The following FRY variants were observed in gnomAD, a reference collection of about 807,000 sequenced individuals.
The protein encoded by FRY is protein furry homolog.
A neutral mutation model predicts 348.4 loss-of-function variants in FRY; 128 were observed. That is an observed-to-expected ratio of 0.37 (90% confidence interval 0.32 to 0.43). The LOEUF is 0.43. Ranked by LOEUF, FRY falls within the 20% of genes least tolerant of loss-of-function variation. The pLI is 1.00. For synonymous variants in FRY, 1,370 were observed against 1,374.7 expected (o/e 1.00, Z 0.08); for missense variants, 2,736 against 3,695.2 (o/e 0.74, Z 6.73).
At chr13:32,196,418 G>A (rs1261625063) in intron 29 of FRY, among the ~76,000 whole-genome samples, 1 of 152,122 alleles carries the variant, frequency 6.6e-6, no homozygotes, top group African/African-American at 2.4e-5. Context: ...AAATGTTCTT[G>A]TTGATTTAAA....
chr13:32,207,050 C>T (rs950875538), intron 31 of FRY, among the ~76,000 whole-genome samples: 1 of 152,122 alleles, frequency 6.6e-6, no homozygotes, highest in Non-Finnish European at 1.5e-5. Context: ...CAGGAGCTAC[C>T]TGGGTGCTTG....
chr13:32,257,975 A>G (rs747275798), intron 51 of FRY: 6 of 1,606,556 alleles, frequency 3.7e-6, no homozygotes, highest in Non-Finnish European at 5.1e-6. Flanking sequence ...AACTTCAGGT[A>G]AGATGATGCT....
chr13:32,077,621 A>G (rs1401619340), intron 1 of FRY, among the ~76,000 whole-genome samples: 1 of 152,224 alleles, frequency 6.6e-6, no homozygotes, highest in Non-Finnish European at 1.5e-5. Flanking sequence ...GTAATTTAAT[A>G]AAATAAACAA....
At chr13:32,222,501 C>G (rs1021890945) in intron 36 of FRY, among the ~76,000 whole-genome samples, 1 of 152,114 alleles carries the variant, frequency 6.6e-6, no homozygotes, top group South Asian at 2.1e-4. Context: ...GGTGAGCTAC[C>G]GCGACCAGCC....
At chr13:32,117,262 T>C (rs1878356144) in intron 3 of FRY, 72 bp from the exon 4 acceptor site, 2 of 1,403,030 alleles carry the variant, frequency 1.4e-6, no homozygotes, top group Non-Finnish European at 2.0e-6. Context: ...TTGGGGTTAC[T>C]TGTGAAATAA....
intron 24 of FRY, among the ~76,000 whole-genome samples, chr13:32,184,068 A>T (rs987680166): frequency 3.8e-4 from 57 of 151,850 alleles, no homozygotes; most frequent in Non-Finnish European, 5.0e-4. Flanking sequence ...AGTCCCAGCT[A>T]CTCGAGAGGC....
rs2072100399 is a variant in FRY, at chr13:32,298,637, AC to A, written c.*3178del. ...AAAACGGATACAGTGAGTAATGTGG[AC>A]AGGGCTATCTTAGCTATCACTCTAA... On this transcript the variant is annotated 3_prime_UTR_variant, in exon 61 of 61. Coordinates refer to ENST00000542859, the MANE Select transcript of FRY (RefSeq NM_023037.3). 1 of 152,260 alleles carries A rather than the reference AC, an allele frequency of 6.6e-6. No individual in the cohort carries two copies. Among genetic ancestry groups the A allele is most frequent in the African/African-American group, 2.4e-5 (1 of 41,458 alleles). 9.4% of individuals were successfully genotyped at this position (152,260 alleles called of 1,614,324 possible). A position where few individuals can be genotyped will look rare whatever the true frequency, so the allele number is the denominator to read the frequency against.
chr13:32,205,202 C>CAAAA lies in FRY; in HGVS notation c.4018+2693_4018+2696dup, dbSNP rs35930899. 1.7e-3 allele frequency among the ~76,000 whole-genome samples: 130 copies of CAAAA among 77,112 alleles called. 3 individuals are homozygous for CAAAA. The highest frequency in any genetic ancestry group is 0.011 in the East Asian group (26 of 2,444). 50.6% of individuals were successfully genotyped at this position (77,112 alleles called of 152,430 possible). On this transcript the variant is annotated intron_variant, in intron 31 of 60. Transcript: ENST00000542859. ...TGAGCGACAGAGCGAGACTCTGTCT[C>CAAAA]AAAAAAAAAAAAAAAAAAAAAGGTG... is the stretch of plus-strand genomic sequence containing the variant.
chr13:32,206,540 C>A (rs566003795), intron 31 of FRY, among the ~76,000 whole-genome samples: 1 of 152,186 alleles, frequency 6.6e-6, no homozygotes, highest in African/African-American at 2.4e-5. Context: ...GGTGCAGAGT[C>A]AGAGGAGGAG....
chr13:32,134,768 A>AT, intron 8 of FRY, 136 bp from the exon 9 acceptor site: 1 of 740,466 alleles, frequency 1.4e-6, no homozygotes, highest in Admixed American at 1.9e-5. Context: ...GAATCCAGTG[A>AT]TTTTTAATAG....
chr13:32,035,586 G>A (rs192096787), intron 1 of FRY, among the ~76,000 whole-genome samples: 1 of 152,256 alleles, frequency 6.6e-6, no homozygotes. Flanking sequence ...AGCTCTAAAG[G>A]GCGTCCTTGT....
Position 32,187,668 on chromosome 13 carries a change from C to CA in FRY, c.3591+17dup. On this transcript the variant is annotated intron_variant, in intron 28 of 60. Coordinates refer to ENST00000542859, the MANE Select transcript of FRY (RefSeq NM_023037.3). ...GTCAAGATTTACGAGTAAGTATAGG[C>CA]AAAAATACATTGTTTTTGAATGTCT... 7.3e-7 allele frequency: 1 copy of CA among 1,375,904 alleles called. No homozygotes were observed. Among genetic ancestry groups the CA allele is most frequent in the Non-Finnish European group, 1.0e-6 (1 of 962,728 alleles). The allele number at this position is 1,375,904 out of a possible 1,614,324, so 85.2% of individuals were successfully genotyped here. A position where few individuals can be genotyped will look rare whatever the true frequency, so the allele number is the denominator to read the frequency against.
At chr13:32,098,764 T>C (rs1876948555) in intron 2 of FRY, among the ~76,000 whole-genome samples, 1 of 152,080 alleles carries the variant, frequency 6.6e-6, no homozygotes, top group Non-Finnish European at 1.5e-5. Context: ...TGACGCATTG[T>C]GAACCCTCAG....
chr13:32,186,699 A>C (rs541340710), intron 27 of FRY, among the ~76,000 whole-genome samples: 2 of 152,180 alleles, frequency 1.3e-5, no homozygotes, highest in Admixed American at 6.5e-5. Context: ...AAAAAGAAAA[A>C]AATAGACATC....
Position 32,102,102 on chromosome 13 carries a change from G to A in FRY, c.324+86G>A, listed in dbSNP as rs183889156. On this transcript the variant is annotated intron_variant, in intron 3 of 60. Transcript: ENST00000542859. ...GTCTGCATGCTCACTATTGTTGTAT[G>A]GATGAACATCCTCAAAAAGTATATG... The A allele has an allele frequency of 8.2e-5, 66 of 807,806 alleles. No homozygotes were observed. In the African/African-American group the frequency reaches 1.0e-3, roughly 12 times the overall value. 50.0% of individuals were successfully genotyped at this position (807,806 alleles called of 1,614,324 possible).
intron 2 of FRY, among the ~76,000 whole-genome samples, chr13:32,099,052 T>C (rs1876973050): frequency 6.6e-6 from 1 of 151,904 alleles, no homozygotes; most frequent in African/African-American, 2.4e-5. Flanking sequence ...GGTAAGATCA[T>C]CTTTGTGAGT....
Position 32,184,994 on chromosome 13 carries a change from G to C in FRY, c.3165G>C (p.Glu1055Asp). 1 of 1,613,964 alleles carries C rather than the reference G, an allele frequency of 6.2e-7. No individual in the cohort carries two copies. Among genetic ancestry groups the C allele is most frequent in the Admixed American group, 1.7e-5 (1 of 60,014 alleles). Residue 1055 changes from glutamate (E) to aspartate (D), a missense_variant, in exon 26 of 61, where the codon GAG (glutamate) becomes GAC (aspartate). Glu to Asp is a conservative substitution (Grantham distance 45, BLOSUM62 2). Coordinates refer to ENST00000542859, the MANE Select transcript of FRY (RefSeq NM_023037.3). Reference sequence around the variant, plus strand: ...ATTCCAGCACAAATGGAGCCCTAGAGCGGGATACTTTAGCCCTGGGAGCTT... The same window carrying C: ...ATTCCAGCACAAATGGAGCCCTAGACCGGGATACTTTAGCCCTGGGAGCTT... The part of the protein sequence containing the change: ...VISDSTNGAL[E>D]RDTLALGALF...
At chr13:32,147,153 A>G (rs1218259394) in intron 11 of FRY, 129 bp from the exon 12 acceptor site, 4 of 666,858 alleles carry the variant, frequency 6.0e-6, no homozygotes, top group South Asian at 3.2e-5. Context: ...AGGTGATGCA[A>G]TGTGTCTCAT....
At chr13:32,182,693 G>A (rs1194222661) in intron 23 of FRY, among the ~76,000 whole-genome samples, 1 of 151,886 alleles carries the variant, frequency 6.6e-6, no homozygotes, top group Non-Finnish European at 1.5e-5. Flanking sequence ...TTTGTTTTTT[G>A]CCATAGAGAT....
Sources: gnomAD v4.1 joint callset for allele counts (sites outside exome capture counted in the v4.1 genomes callset) on GRCh38, gnomAD v4.1.1 for gene constraint, MANE v1.5 for transcripts, NCBI Gene and HGNC (gene_info 2026-07-23, HGNC 2026-07-21) for gene names.